Variants in GRIP1 observed in about 807,000 individuals in gnomAD.
The protein encoded by GRIP1 is glutamate receptor-interacting protein 1.
Under a neutral mutation model 129.9 loss-of-function variants are expected in GRIP1, and 45 were observed. The observed-to-expected ratio is 0.35, with a 90% CI of 0.27 to 0.44. The LOEUF (loss-of-function observed/expected upper bound fraction) is 0.44, where lower values mean the gene tolerates loss of function less well. Among genes scored for constraint, GRIP1 ranks in the 20% least tolerant of loss-of-function variants. The probability of loss-of-function intolerance (pLI) is 1.00; values close to 1 mark genes in which losing one functional copy is unlikely to be tolerated. For synonymous variants in GRIP1, 530 were observed against 520.8 expected, an observed-to-expected ratio of 1.02 and a Z score of -0.24; for missense variants, 1,196 against 1,396.8, an observed-to-expected ratio of 0.86 and a Z score of 2.29.
intron 1 of GRIP1, among the ~76,000 whole-genome samples, chr12:66,843,745 T>A (rs1416451823): frequency 6.6e-6 from 1 of 152,078 alleles, no homozygotes; most frequent in Non-Finnish European, 1.5e-5. Flanking sequence ...GAAAACAATA[T>A]CCACATGTAA....
intron 1 of GRIP1, among the ~76,000 whole-genome samples, chr12:66,863,060 T>C (rs79329276): frequency 2.1e-3 from 312 of 152,076 alleles, no homozygotes; most frequent in African/African-American, 7.1e-3. Context: ...TCTTGGCTCA[T>C]ATGCGTTGAA....
At chr12:66,576,335 C>T (rs998662038) in intron 2 of GRIP1, among the ~76,000 whole-genome samples, 6 of 152,136 alleles carry the variant, frequency 3.9e-5, no homozygotes, top group Non-Finnish European at 7.4e-5. Flanking sequence ...AGATCTCTGC[C>T]GGGGATGCTG....
chr12:66,861,239 A>G (rs1688165696), intron 1 of GRIP1, among the ~76,000 whole-genome samples: 1 of 152,162 alleles, frequency 6.6e-6, no homozygotes, highest in Non-Finnish European at 1.5e-5. Flanking sequence ...GTCATACCCT[A>G]CGCTGTAATG....
At chr12:66,699,862 C>T (rs145682523) in intron 1 of GRIP1, among the ~76,000 whole-genome samples, 4 of 152,220 alleles carry the variant, frequency 2.6e-5, no homozygotes, top group East Asian at 1.9e-4. Context: ...GCATGAGGCC[C>T]GCCCTGTAGA....
At chr12:66,950,051 T>C (rs1352042275) in intron 1 of GRIP1, among the ~76,000 whole-genome samples, 2 of 151,546 alleles carry the variant, frequency 1.3e-5, no homozygotes, top group Admixed American at 6.6e-5. Flanking sequence ...GCTGGGATTA[T>C]AGGCGTGAGC....
At chr12:66,762,523 C>T (rs1049471952) in intron 1 of GRIP1, among the ~76,000 whole-genome samples, 1 of 152,202 alleles carries the variant, frequency 6.6e-6, no homozygotes, top group Non-Finnish European at 1.5e-5. Context: ...TGTTGTACAA[C>T]TTCATATATG....
intron 2 of GRIP1, among the ~76,000 whole-genome samples, chr12:66,546,747 A>C (rs1303711743): frequency 1.3e-5 from 2 of 152,200 alleles, no homozygotes; most frequent in Non-Finnish European, 2.9e-5. Flanking sequence ...TTTAACTCAA[A>C]ATAAATCACA....
rs2054045180 is a variant in GRIP1, at chr12:66,347,852, A to AAAAT, written c.*1163_*1166dup. ...TATTGACCAAAATGAAAATGTTTGG[A>AAAAT]AAATAATCATTTCAATATGGAGAGT... On this transcript the variant is annotated 3_prime_UTR_variant, in exon 25 of 25. Transcript: ENST00000359742. 3 of 152,326 alleles carry AAAAT rather than the reference A, an allele frequency of 2.0e-5. No homozygotes were observed. The highest frequency in any genetic ancestry group is 4.8e-5 in the African/African-American group (2 of 41,582). The allele number at this position is 152,326 out of a possible 1,614,324, so 9.4% of individuals were successfully genotyped here.
At chr12:67,048,884 C>A (rs1358315307) in intron 1 of GRIP1, among the ~76,000 whole-genome samples, 1 of 152,154 alleles carries the variant, frequency 6.6e-6, no homozygotes, top group Non-Finnish European at 1.5e-5. Context: ...TCCCCAGCCA[C>A]GTGGAACTGT....
intron 19 of GRIP1, 40 bp downstream of exon 19, chr12:66,392,268 A>G: frequency 8.2e-7 from 1 of 1,216,070 alleles, no homozygotes; most frequent in Non-Finnish European, 1.2e-6. Flanking sequence ...CATGGGCTTC[A>G]ACAATGACAA....
intron 1 of GRIP1, among the ~76,000 whole-genome samples, chr12:66,752,411 C>T (rs2037156581): frequency 1.3e-5 from 2 of 152,050 alleles, no homozygotes; most frequent in South Asian, 2.1e-4. Flanking sequence ...GTAAATTAAA[C>T]CAAGTGCATT....
intron 7 of GRIP1, among the ~76,000 whole-genome samples, chr12:66,471,864 C>A (rs558912292): frequency 6.6e-6 from 1 of 152,098 alleles, no homozygotes; most frequent in Non-Finnish European, 1.5e-5. Context: ...TAGAATGGGA[C>A]GAGATAATGT....
At chr12:66,394,132 G>A in intron 17 of GRIP1, 76 bp downstream of exon 17, 1 of 1,300,396 alleles carries the variant, frequency 7.7e-7, no homozygotes, top group South Asian at 1.2e-5. Context: ...AGAGAGAGGA[G>A]CATGTTTTTA....
intron 1 of GRIP1, among the ~76,000 whole-genome samples, chr12:66,715,471 T>TGTGAGAGAGA (rs761155485): frequency 4.7e-4 from 52 of 110,128 alleles, no homozygotes; most frequent in Middle Eastern, 4.7e-3. Context: ...TGTGTGTGTG[T>TGTGAGAGAGA]GAGAGAGAGA....
At chr12:66,906,908 C>G (rs1187527973) in intron 1 of GRIP1, among the ~76,000 whole-genome samples, 1 of 152,076 alleles carries the variant, frequency 6.6e-6, no homozygotes, top group African/African-American at 2.4e-5. Context: ...ACCTTTCCCC[C>G]AGCTTGCCTT....
chr12:66,385,661 G>T (rs2056326496), intron 19 of GRIP1, among the ~76,000 whole-genome samples: 1 of 152,042 alleles, frequency 6.6e-6, no homozygotes, highest in African/African-American at 2.4e-5. Flanking sequence ...CCAGGCTGGA[G>T]TGCAGCAGCA....
At chr12:66,604,619 C>T (rs4453317) in intron 1 of GRIP1, among the ~76,000 whole-genome samples, 50,996 of 151,788 alleles carry the variant, frequency 0.34, 8,812 homozygotes, top group Non-Finnish European at 0.37. Context: ...GTTTAGCCAT[C>T]AGATTATGCC....
At chr12:66,688,556 C>T (rs2034862506) in intron 1 of GRIP1, among the ~76,000 whole-genome samples, 1 of 152,104 alleles carries the variant, frequency 6.6e-6, no homozygotes. Flanking sequence ...CACTCTTGTG[C>T]TTCTCTCTTA....
chr12:66,450,649 G>A (rs1351784603), intron 11 of GRIP1, among the ~76,000 whole-genome samples: 2 of 151,762 alleles, frequency 1.3e-5, no homozygotes, highest in African/African-American at 4.8e-5. Context: ...TAGCATTGTA[G>A]TAAATAATTT....
Sources: gnomAD v4.1 joint callset for allele counts (sites outside exome capture counted in the v4.1 genomes callset) on GRCh38, gnomAD v4.1.1 for gene constraint, MANE v1.5 for transcripts, NCBI Gene and HGNC (gene_info 2026-07-23, HGNC 2026-07-21) for gene names.